The following CDR2L variants were observed in gnomAD, a reference collection of about 807,000 sequenced individuals.
CDR2L encodes cerebellar degeneration related protein 2 like.
In CDR2L, 19 loss-of-function variants were observed where a neutral mutation model predicts 36.1. That is an observed-to-expected ratio of 0.53 (90% CI 0.37 to 0.77). The LOEUF is 0.77. Among genes scored for constraint, CDR2L ranks in the 30% least tolerant of loss-of-function variants. The pLI, the probability that CDR2L is intolerant of heterozygous loss-of-function variation, is 0.00. For missense variants in CDR2L, 575 were observed against 627.2 expected (o/e 0.92, Z 0.89); for synonymous variants, 285 against 280.4 (o/e 1.02, Z -0.16).
chr17:74,989,288 G>A lies in CDR2L; in HGVS notation c.79+1166G>A, dbSNP rs1261207314. Among the ~76,000 whole-genome samples, 1 of 152,166 alleles carries A rather than the reference G, an allele frequency of 6.6e-6. No individual in the cohort carries two copies. The highest frequency in any genetic ancestry group is 1.5e-5 in the Non-Finnish European group (1 of 68,020). On this transcript the variant is annotated intron_variant, in intron 1 of 4. Transcript: ENST00000337231. The surrounding 1 kb of genome is among the most constrained non-coding windows in gnomAD (Gnocchi z 4.2). ...CTCTGTCCTTGTGCTGAGGACAAGG[G>A]TTAATCATAGCCTCAGGGGGACCAG...
At chr17:74,995,017 G>C (rs937203883) in intron 1 of CDR2L, among the ~76,000 whole-genome samples, 2 of 149,566 alleles carry the variant, frequency 1.3e-5, no homozygotes, top group African/African-American at 4.9e-5. Context: ...TGCAGAGTGA[G>C]CCAAGATCTC....
At chr17:74,988,251 G>T in intron 1 of CDR2L, 129 bp downstream of exon 1, 1 of 550,808 alleles carries the variant, frequency 1.8e-6, no homozygotes, top group East Asian at 3.6e-5. Context: ...TCGGAGGAGG[G>T]ACGCGTCTGG....
At chr17:74,996,513 T>G (rs2039826807) in intron 1 of CDR2L, among the ~76,000 whole-genome samples, 1 of 151,544 alleles carries the variant, frequency 6.6e-6, no homozygotes, top group Non-Finnish European at 1.5e-5. Flanking sequence ...GTTGGGAGGA[T>G]TGTATCCACT....
Position 75,005,077 on chromosome 17 carries a change from T to C in CDR2L, c.*1003T>C, listed in dbSNP as rs1358531148. The C allele has an allele frequency of 1.3e-5, 2 of 152,722 alleles. No homozygotes were observed. The allele number at this position is 152,722 out of a possible 1,614,324, so 9.5% of individuals were successfully genotyped here. A position where few individuals can be genotyped will look rare whatever the true frequency, so the allele number is the denominator to read the frequency against. ...ATGCACCACCAGCCGGTGGTCCCAA[T>C]GTCCACCCCTGCCTCCCCTTCACTG... On this transcript the variant is annotated 3_prime_UTR_variant, in exon 5 of 5. Transcript: ENST00000337231. This position sits in a 1 kb window ranked among gnomAD's most constrained non-coding sequence, Gnocchi z 4.2.
At chr17:75,000,134 G>T (rs571866962) in intron 2 of CDR2L, among the ~76,000 whole-genome samples, 1 of 152,082 alleles carries the variant, frequency 6.6e-6, no homozygotes, top group Non-Finnish European at 1.5e-5. Context: ...AAATTAGCTG[G>T]CTATGGTGGC....
intron 1 of CDR2L, 65 bp downstream of exon 1, chr17:74,988,187 A>T: frequency 8.2e-7 from 1 of 1,217,192 alleles, no homozygotes; most frequent in Non-Finnish European, 1.1e-6. Context: ...CCGCTTCTCC[A>T]TTGTTGGGCG....
chr17:75,001,637 T>A, intron 3 of CDR2L, 148 bp downstream of exon 3: 2 of 772,456 alleles, frequency 2.6e-6, no homozygotes, highest in Non-Finnish European at 3.8e-6. Context: ...CGATTTTGTG[T>A]GGTTTAACAT....
rs73995711 is a variant in CDR2L, at chr17:74,999,500, C to T, written c.80-4C>T. The T allele has an allele frequency of 2.2e-3, 3,451 of 1,557,370 alleles. 61 individuals carry two copies. In the African/African-American group the frequency reaches 0.04, roughly 18 times the overall value. ...TTCTCATGCTCGTGTTTCTCCTATC[C>T]TAGACTTGCACCTAGCTGCGGAGCT... On this transcript the variant is annotated splice_region_variant and splice_polypyrimidine_tract_variant and intron_variant, in intron 1 of 4. Transcript: ENST00000337231.
rs1432083696 is a variant in CDR2L at position 74,999,610 on chromosome 17, G to C, written c.186G>C (p.Glu62Asp). The change falls in exon 2 of 5, where the codon GAG (glutamate) becomes GAC (aspartate). Residue 62 changes from glutamate to aspartate, a missense_variant. Coordinates refer to ENST00000337231, the MANE Select transcript of CDR2L (RefSeq NM_014603.3). ...CCACCAATGAGGAACAGGTGCAGGA[G>C]ATCGAGGTGAGGGCCCTGCATGTGC... ...MYSTNEEQVQ[E>D]IEYLTKQLDT... The C allele has an allele frequency of 1.9e-6, 3 of 1,561,050 alleles. No homozygotes were observed. Among genetic ancestry groups the C allele is most frequent in the Admixed American group, 1.9e-5 (1 of 52,744 alleles).
intron 2 of CDR2L, 93 bp from the exon 3 acceptor site, chr17:75,001,248 G>A (rs555601093): frequency 1.5e-6 from 2 of 1,322,896 alleles, no homozygotes; most frequent in African/African-American, 3.2e-5. Context: ...GAAAAGAAAA[G>A]AAAAAAGACA....
At chr17:74,999,084 C>T (rs953835644) in intron 1 of CDR2L, among the ~76,000 whole-genome samples, 1 of 152,106 alleles carries the variant, frequency 6.6e-6, no homozygotes, top group African/African-American at 2.4e-5. Flanking sequence ...TTGGCCTGGG[C>T]ACAGCACTGA....
Position 75,003,705 on chromosome 17 carries a change from C to T in CDR2L, c.1029C>T (p.Asn343=). ...RHAGNLTLHA[N]SVRKRGMSIL... ...CGGGCAACCTCACACTGCACGCCAA[C>T]AGCGTGCGCAAGCGGGGCATGTCCA... Residue 343 remains asparagine (N), a synonymous_variant, in exon 5 of 5, where the codon AAC becomes AAT. Transcript: ENST00000337231. The T allele has an allele frequency of 6.8e-7, 1 of 1,465,220 alleles. No homozygotes were observed. The highest frequency in any genetic ancestry group is 9.0e-7 in the Non-Finnish European group (1 of 1,107,144). 90.8% of individuals were successfully genotyped at this position (1,465,220 alleles called of 1,614,324 possible).
In CDR2L at chr17:75,003,513, C is replaced by A; in HGVS notation, c.837C>A (p.Leu279=). The A allele has an allele frequency of 6.5e-7, 1 of 1,535,188 alleles. No individual in the cohort carries two copies. The highest frequency in any genetic ancestry group is 1.2e-5 in the South Asian group (1 of 82,210). ...TGGCCGAGGCCCTGCTCGCACCCCT[C>A]ACGCAGGCCCCTGAGGCCGACGATC... ...DHLAEALLAP[L]TQAPEADDPQ... Residue 279 remains leucine, a synonymous_variant, in exon 5 of 5, where the codon CTC becomes CTA. Transcript: ENST00000337231.
intron 1 of CDR2L, among the ~76,000 whole-genome samples, chr17:74,997,592 T>TAA (rs1376433967): frequency 1.3e-5 from 2 of 151,726 alleles, no homozygotes; most frequent in East Asian, 3.9e-4. Context: ...GAGCAAAACA[T>TAA]AAAAATCCCT....
intron 1 of CDR2L, among the ~76,000 whole-genome samples, chr17:74,993,244 T>C (rs1202194531): frequency 6.6e-6 from 1 of 151,992 alleles, no homozygotes; most frequent in Non-Finnish European, 1.5e-5. Context: ...CCTGAGTTAC[T>C]GCCATGCGCA....
At chr17:75,001,953 C>A in intron 3 of CDR2L, 111 bp from the exon 4 acceptor site, 3 of 907,288 alleles carry the variant, frequency 3.3e-6, no homozygotes, top group Non-Finnish European at 4.8e-6. Flanking sequence ...CTCAAGGGTA[C>A]CTGTCTGCCT....
At position 75,003,816 on chromosome 17, in the gene CDR2L, A is replaced by AGTGCGGCACGCCGGC; in HGVS notation, c.1145_1159dup (p.Arg382_Val386dup). 3 of 1,553,248 alleles carry AGTGCGGCACGCCGGC rather than the reference A, an allele frequency of 1.9e-6. No individual in the cohort carries two copies. Among genetic ancestry groups the AGTGCGGCACGCCGGC allele is most frequent in the East Asian group, 2.4e-5 (1 of 41,622 alleles). On this transcript the variant is annotated inframe_insertion, in exon 5 of 5. Transcript: ENST00000337231. ...GCAAGTGCCGGCAGCACGGGGCCGGAGTGCGGCACGCCGGCGTGCAGACCT... is the reference window on the plus strand; with the variant it reads ...GCAAGTGCCGGCAGCACGGGGCCGGAGTGCGGCACGCCGGCGTGCGGCACGCCGGCGTGCAGACCT...
At chr17:74,999,732 C>T (rs962261281) in intron 2 of CDR2L, 116 bp downstream of exon 2, 16 of 619,864 alleles carry the variant, frequency 2.6e-5, no homozygotes, top group Non-Finnish European at 4.0e-5. Flanking sequence ...GCCCAATAGC[C>T]TGGTACAGTT....
At chr17:74,998,437 T>C (rs1449802229) in intron 1 of CDR2L, among the ~76,000 whole-genome samples, 1 of 151,618 alleles carries the variant, frequency 6.6e-6, no homozygotes, top group East Asian at 1.9e-4. Flanking sequence ...GGAAGATCGT[T>C]GAGCCCAGGA....
Sources: gnomAD v4.1 joint callset for allele counts (sites outside exome capture counted in the v4.1 genomes callset) on GRCh38, gnomAD v4.1.1 for gene constraint, Gnocchi (gnomAD v3.1) non-coding constraint, MANE v1.5 for transcripts, NCBI Gene and HGNC (gene_info 2026-07-23, HGNC 2026-07-21) for gene names.